LRRC1: variants seen among roughly 807,000 people sequenced by gnomAD.
LRRC1 encodes leucine rich repeat containing 1.
Under a neutral mutation model 69.9 loss-of-function variants are expected in LRRC1, and 28 were observed. That is an observed-to-expected ratio of 0.40 (90% CI 0.30 to 0.55). LRRC1 has a LOEUF of 0.55. LRRC1 is among the 20% of genes least tolerant of loss of function. The probability of loss-of-function intolerance (pLI) is 0.47; values close to 1 mark genes in which losing one functional copy is unlikely to be tolerated. For synonymous variants in LRRC1, 236 were observed against 240.2 expected (o/e 0.98, Z 0.16); for missense variants, 498 against 609.0 (o/e 0.82, Z 1.92).
chr6:53,837,784 A>G (rs942290435), intron 1 of LRRC1, among the ~76,000 whole-genome samples: 7 of 152,214 alleles, frequency 4.6e-5, no homozygotes, highest in African/African-American at 1.7e-4. Context: ...AAGAAGGAAA[A>G]GAATCTTGTC....
At chr6:53,873,281 C>T (rs554217103) in intron 2 of LRRC1, among the ~76,000 whole-genome samples, 9 of 143,186 alleles carry the variant, frequency 6.3e-5, no homozygotes, top group African/African-American at 1.5e-4. Flanking sequence ...GAAGTGCTAC[C>T]GATTTTTCTT....
intron 2 of LRRC1, among the ~76,000 whole-genome samples, chr6:53,872,178 T>C (rs58651455): frequency 6.6e-6 from 1 of 152,322 alleles, no homozygotes; most frequent in East Asian, 1.9e-4. Context: ...ATATCCGGTT[T>C]TTCCAGCGCA....
At chr6:53,920,972 TC>T (rs1328875884) in intron 13 of LRRC1, among the ~76,000 whole-genome samples, 2 of 151,332 alleles carry the variant, frequency 1.3e-5, no homozygotes, top group East Asian at 3.9e-4. Context: ...TTTTTTTTTT[TC>T]TTCTTCTTTT....
chr6:53,810,883 T>A (rs1272340189), intron 1 of LRRC1, among the ~76,000 whole-genome samples: 1 of 152,158 alleles, frequency 6.6e-6, no homozygotes, highest in African/African-American at 2.4e-5. Context: ...TGTGAAACCC[T>A]CCCAGGTCTC....
chr6:53,864,197 C>G (rs1416007471), intron 2 of LRRC1, among the ~76,000 whole-genome samples: 1 of 152,146 alleles, frequency 6.6e-6, no homozygotes, highest in Non-Finnish European at 1.5e-5. Flanking sequence ...TCTGGGACTA[C>G]TCCGCAGTTC....
intron 11 of LRRC1, among the ~76,000 whole-genome samples, chr6:53,915,451 A>G (rs1192930191): frequency 6.6e-6 from 1 of 152,228 alleles, no homozygotes; most frequent in Non-Finnish European, 1.5e-5. Flanking sequence ...TTTCTGCTGA[A>G]CTAAGCAGAA....
At chr6:53,840,919 T>TGC (rs1206955395) in intron 1 of LRRC1, among the ~76,000 whole-genome samples, 1 of 145,112 alleles carries the variant, frequency 6.9e-6, no homozygotes, top group African/African-American at 2.5e-5. Context: ...TGTGTGTGTG[T>TGC]GTGTGTGTGC....
chr6:53,807,404 CAG>C (rs1764664146), intron 1 of LRRC1, among the ~76,000 whole-genome samples: 1 of 152,122 alleles, frequency 6.6e-6, no homozygotes, highest in Non-Finnish European at 1.5e-5. Flanking sequence ...GGATGGAAAA[CAG>C]ATAAGAAAAT....
chr6:53,798,801 T>G (rs1173793902), intron 1 of LRRC1, among the ~76,000 whole-genome samples: 1 of 152,254 alleles, frequency 6.6e-6, no homozygotes, highest in Non-Finnish European at 1.5e-5. Context: ...CCTCTGCTTC[T>G]TTCTTTTCCC....
At chr6:53,837,826 A>G (rs938803815) in intron 1 of LRRC1, among the ~76,000 whole-genome samples, 23 of 152,228 alleles carry the variant, frequency 1.5e-4, no homozygotes, top group Admixed American at 4.6e-4. Context: ...ATTTAGCCAA[A>G]TTAAAGGCTG....
chr6:53,874,262 G>A (rs1278309650), intron 2 of LRRC1, among the ~76,000 whole-genome samples: 1 of 152,004 alleles, frequency 6.6e-6, no homozygotes, highest in Admixed American at 6.6e-5. Flanking sequence ...GTTTATAAAA[G>A]GGCTACAGCC....
chr6:53,850,547 A>T (rs887056691), intron 2 of LRRC1, among the ~76,000 whole-genome samples: 3 of 152,204 alleles, frequency 2.0e-5, no homozygotes, highest in African/African-American at 4.8e-5. Context: ...AATAACTAAA[A>T]CTCAGTGCAT....
chr6:53,887,330 T>C (rs1263455437), intron 4 of LRRC1, among the ~76,000 whole-genome samples: 1 of 152,252 alleles, frequency 6.6e-6, no homozygotes, highest in African/African-American at 2.4e-5. Flanking sequence ...CCAAAAGAAC[T>C]GGTAAGCTTC....
At chr6:53,871,241 A>G (rs1290684065) in intron 2 of LRRC1, among the ~76,000 whole-genome samples, 1 of 152,192 alleles carries the variant, frequency 6.6e-6, no homozygotes, top group East Asian at 1.9e-4. Flanking sequence ...GTACTCATTT[A>G]GATTCCCATC....
At chr6:53,859,042 G>A (rs1406110418) in intron 2 of LRRC1, among the ~76,000 whole-genome samples, 1 of 152,116 alleles carries the variant, frequency 6.6e-6, no homozygotes, top group Non-Finnish European at 1.5e-5. Flanking sequence ...CAGGCACTGG[G>A]ATATTATCAC....
At chr6:53,807,775 CAACAA>C (rs764518980) in intron 1 of LRRC1, among the ~76,000 whole-genome samples, 9 of 151,694 alleles carry the variant, frequency 5.9e-5, no homozygotes, top group Non-Finnish European at 1.2e-4. Context: ...ACAACAACAA[CAACAA>C]CACCCCCCAA....
At chr6:53,811,617 A>G (rs983397934) in intron 1 of LRRC1, among the ~76,000 whole-genome samples, 1 of 152,262 alleles carries the variant, frequency 6.6e-6, no homozygotes, top group African/African-American at 2.4e-5. Flanking sequence ...TATTAGCTGC[A>G]TACAGTATTC....
chr6:53,822,579 T>A (rs1765146221), intron 1 of LRRC1, among the ~76,000 whole-genome samples: 1 of 152,196 alleles, frequency 6.6e-6, no homozygotes, highest in Admixed American at 6.5e-5. Context: ...GTTGCTGGGC[T>A]TTAGGCCAGG....
chr6:53,820,951 G>C (rs895561358), intron 1 of LRRC1, among the ~76,000 whole-genome samples: 1 of 152,208 alleles, frequency 6.6e-6, no homozygotes, highest in African/African-American at 2.4e-5. Flanking sequence ...ACAGTGCCAA[G>C]CACATGGGAG....
Sources: allele counts gnomAD v4.1 joint callset (sites outside exome capture counted in the v4.1 genomes callset), GRCh38; gene constraint gnomAD v4.1.1; transcripts MANE v1.5; gene names NCBI Gene and HGNC (gene_info 2026-07-23, HGNC 2026-07-21).